Variants in SVIP observed in about 807,000 individuals in gnomAD.
The protein encoded by SVIP is small VCP/p97-interacting protein.
A neutral mutation model predicts 12.9 loss-of-function variants in SVIP; 14 were observed. The observed-to-expected ratio is 1.08, with a 90% CI of 0.72 to 1.70. SVIP has a LOEUF of 1.70. SVIP is among the 40% of genes most tolerant of loss of function. SVIP has a pLI of 0.00. For synonymous variants in SVIP, 35 were observed against 33.3 expected (o/e 1.05, Z -0.17); for missense variants, 93 against 90.8 (o/e 1.02, Z -0.10).
chr11:22,822,968 C>A lies in SVIP; in HGVS notation c.*151G>T. On this transcript the variant is annotated 3_prime_UTR_variant, in exon 4 of 4. Transcript: ENST00000354193. ...CTAGCCATTCTCTAAGCTTGAAAATCAACGTTTTTTTAGCATTGCACTTAA... is the reference window on the plus strand; with the variant it reads ...CTAGCCATTCTCTAAGCTTGAAAATAAACGTTTTTTTAGCATTGCACTTAA... 3.3e-6 allele frequency: 2 copies of A among 606,256 alleles called. No individual in the cohort carries two copies. Among genetic ancestry groups the A allele is most frequent in the East Asian group, 3.1e-5 (1 of 31,860 alleles). The allele number at this position is 606,256 out of a possible 1,614,324, so 37.6% of individuals were successfully genotyped here. A position where few individuals can be genotyped will look rare whatever the true frequency, so the allele number is the denominator to read the frequency against.
chr11:22,823,675 C>T (rs985488681), intron 3 of SVIP, among the ~76,000 whole-genome samples: 2 of 152,128 alleles, frequency 1.3e-5, no homozygotes, highest in Non-Finnish European at 1.5e-5. Context: ...CTTCTGTTGT[C>T]CCTTGTTGCC....
rs1043671010 is a variant in SVIP at position 22,822,731 on chromosome 11, C to T, written c.*388G>A. On this transcript the variant is annotated 3_prime_UTR_variant, in exon 4 of 4. Transcript: ENST00000354193. ...CATAGTGAAATAAAAACAGATGTAA[C>T]GCGATGCAGCACAAATATAAGTAGT... 2 of 163,112 alleles carry T rather than the reference C, an allele frequency of 1.2e-5. No individual in the cohort carries two copies. Among genetic ancestry groups the T allele is most frequent in the East Asian group, 1.8e-4 (1 of 5,688 alleles). The allele number at this position is 163,112 out of a possible 1,614,324, so 10.1% of individuals were successfully genotyped here.
In SVIP at chr11:22,821,059, G is replaced by GTA. The variant is rs1294475167; in HGVS notation, c.*2058_*2059dup. The GTA allele has an allele frequency of 1.3e-4, 19 of 149,166 alleles. No individual in the cohort carries two copies. The highest frequency in any genetic ancestry group is 4.4e-4 in the African/African-American group (18 of 40,686). The allele number at this position is 149,166 out of a possible 1,614,324, so 9.2% of individuals were successfully genotyped here. A position where few individuals can be genotyped will look rare whatever the true frequency, so the allele number is the denominator to read the frequency against. ...TGTGTGTATGTGCATGTGTGTGTGT[G>GTA]TATATACACACACATATATAAATTA... On this transcript the variant is annotated 3_prime_UTR_variant, in exon 4 of 4. Coordinates refer to ENST00000354193, the MANE Select transcript of SVIP (RefSeq NM_148893.3).
chr11:22,827,456 G>C, intron 2 of SVIP, 136 bp from the exon 3 acceptor site: 2 of 696,570 alleles, frequency 2.9e-6, no homozygotes, highest in Non-Finnish European at 2.5e-6. Flanking sequence ...AACATAGAAG[G>C]AGTGTTTCTA....
intron 3 of SVIP, among the ~76,000 whole-genome samples, chr11:22,826,060 A>C (rs569661223): frequency 6.6e-6 from 1 of 152,312 alleles, no homozygotes; most frequent in Admixed American, 6.5e-5. Flanking sequence ...CTGTTCTATT[A>C]TGGAATTATA....
intron 3 of SVIP, among the ~76,000 whole-genome samples, chr11:22,824,437 C>T (rs375412274): frequency 1.8e-4 from 21 of 115,442 alleles, no homozygotes; most frequent in African/African-American, 5.6e-4. Context: ...TATATATATA[C>T]ACACACACAT....
rs2134738076 is a variant in SVIP at position 22,820,864 on chromosome 11, A to AAAATG, written c.*2254_*2255insCATTT. On this transcript the variant is annotated 3_prime_UTR_variant, in exon 4 of 4. Coordinates refer to ENST00000354193, the MANE Select transcript of SVIP (RefSeq NM_148893.3). ...AATTTTAAATCATGATATGATAGTT[A>AAAATG]CATATATGCATTTTACTGTTCCAAT... 1 of 152,232 alleles carries AAAATG rather than the reference A, an allele frequency of 6.6e-6. No individual in the cohort carries two copies. The highest frequency in any genetic ancestry group is 2.1e-4 in the South Asian group (1 of 4,828). The allele number at this position is 152,232 out of a possible 1,614,324, so 9.4% of individuals were successfully genotyped here.
chr11:22,829,785 C>T lies in SVIP; in HGVS notation c.-37G>A, dbSNP rs1368103948. On this transcript the variant is annotated 5_prime_UTR_variant, in exon 1 of 4. Coordinates refer to ENST00000354193, the MANE Select transcript of SVIP (RefSeq NM_148893.3). ...CTTGAGAACCCTGACCGGGTCCGGC[C>T]CAGGCCAGGCGGCGCTAACTGCGCG... 6.3e-7 allele frequency: 1 copy of T among 1,575,504 alleles called. No homozygotes were observed. Among genetic ancestry groups the T allele is most frequent in the Non-Finnish European group, 8.6e-7 (1 of 1,160,932 alleles).
At chr11:22,829,608 C>G (rs992735144) in intron 1 of SVIP, 87 bp downstream of exon 1, 1 of 1,379,620 alleles carries the variant, frequency 7.2e-7, no homozygotes, top group South Asian at 1.3e-5. Context: ...ACCTGCGCCA[C>G]CAGGTACAAT....
At chr11:22,827,002 T>C (rs1305482797) in intron 3 of SVIP, among the ~76,000 whole-genome samples, 2 of 152,198 alleles carry the variant, frequency 1.3e-5, no homozygotes, top group African/African-American at 4.8e-5. Context: ...AATAAATCTA[T>C]TATTTCATTT....
chr11:22,827,832 G>A lies in SVIP; in HGVS notation c.97C>T (p.Gln33Ter). 1 of 1,577,328 alleles carries A rather than the reference G, an allele frequency of 6.3e-7. No homozygotes were observed. Among genetic ancestry groups the A allele is most frequent in the Non-Finnish European group, 8.6e-7 (1 of 1,163,684 alleles). Residue 33 changes from glutamine (Q) to a stop codon, truncating the protein, a stop_gained, in exon 2 of 4, where the codon CAA becomes TAA. Transcript: ENST00000354193. LOFTEE classifies it high-confidence loss of function. ...TTGATCTTTAATCTTACCTCTTTTTGTCTTCTCTCTGCAGCCTCTGCAAGC... is the reference window on the plus strand; with the variant it reads ...TTGATCTTTAATCTTACCTCTTTTTATCTTCTCTCTGCAGCCTCTGCAAGC... ...AKLAEAAERR[Q>*]KEAASRGILD...
At chr11:22,829,150 A>C (rs1857843097) in intron 1 of SVIP, 1 of 152,340 alleles carries the variant, frequency 6.6e-6, no homozygotes, top group African/African-American at 2.4e-5. Flanking sequence ...TCTGTACTAC[A>C]TATTCTTTTA....
intron 3 of SVIP, among the ~76,000 whole-genome samples, chr11:22,824,634 TAAG>T (rs1857625791): frequency 1.3e-5 from 2 of 152,076 alleles, no homozygotes; most frequent in Admixed American, 1.3e-4. Context: ...TTTTAGTCTC[TAAG>T]AAGGGGATAT....
Position 22,820,215 on chromosome 11 carries a change from A to T in SVIP, c.*2904T>A, listed in dbSNP as rs1459590939. 1.3e-5 allele frequency: 2 copies of T among 152,252 alleles called. No individual in the cohort carries two copies. The highest frequency in any genetic ancestry group is 2.1e-4 in the South Asian group (1 of 4,836). 9.4% of individuals were successfully genotyped at this position (152,252 alleles called of 1,614,324 possible). A position where few individuals can be genotyped will look rare whatever the true frequency, so the allele number is the denominator to read the frequency against. ...ACCTCTTACTGGTCTATTCATGCAGAAATTATTCAAAACTGGCAAGAGCTG... is the reference window on the plus strand; with the variant it reads ...ACCTCTTACTGGTCTATTCATGCAGTAATTATTCAAAACTGGCAAGAGCTG... On this transcript the variant is annotated 3_prime_UTR_variant, in exon 4 of 4. Transcript: ENST00000354193.
At chr11:22,829,578 G>T in intron 1 of SVIP, 117 bp downstream of exon 1, 1 of 1,072,396 alleles carries the variant, frequency 9.3e-7, no homozygotes, top group Non-Finnish European at 1.4e-6. Flanking sequence ...TCGCTAGCAG[G>T]GTCCCCCAGC....
chr11:22,827,361 A>G, intron 2 of SVIP, 41 bp from the exon 3 acceptor site: 18 of 1,521,610 alleles, frequency 1.2e-5, no homozygotes, highest in Non-Finnish European at 1.6e-5. Context: ...GACAACAAAA[A>G]TCTGTCCAGT....
intron 3 of SVIP, among the ~76,000 whole-genome samples, chr11:22,824,381 T>G (rs1857595722): frequency 6.6e-6 from 1 of 150,880 alleles, no homozygotes; most frequent in Non-Finnish European, 1.5e-5. Context: ...AATCTCTTGA[T>G]AGTGTTTTCC....
intron 2 of SVIP, 99 bp downstream of exon 2, chr11:22,827,725 A>G: frequency 1.1e-6 from 1 of 898,894 alleles, no homozygotes; most frequent in South Asian, 2.0e-5. Flanking sequence ...TTGGGATATC[A>G]AAGGCCATTT....
At position 22,829,695 on chromosome 11, in the gene SVIP, C is replaced by G; in HGVS notation, c.54G>C (p.Leu18=). The G allele has an allele frequency of 6.2e-7, 1 of 1,601,024 alleles. No individual in the cohort carries two copies. The highest frequency in any genetic ancestry group is 8.5e-7 in the Non-Finnish European group (1 of 1,174,812). The change falls in exon 1 of 4, where the codon CTG becomes CTC. Residue 18 remains leucine, a splice_region_variant and synonymous_variant. Transcript: ENST00000354193. ...PGESAPPTPD[L]EEKRAKLAEA... ...GGACGCAGGGACCTGCTCTACTCACCAGGTCCGGCGTGGGAGGCGCGGACT... is the reference window on the plus strand; with the variant it reads ...GGACGCAGGGACCTGCTCTACTCACGAGGTCCGGCGTGGGAGGCGCGGACT...
Sources: gnomAD v4.1 joint callset for allele counts (sites outside exome capture counted in the v4.1 genomes callset) on GRCh38, gnomAD v4.1.1 for gene constraint, MANE v1.5 for transcripts, NCBI Gene and HGNC (gene_info 2026-07-23, HGNC 2026-07-21) for gene names.